SLA: variants seen among roughly 807,000 people sequenced by gnomAD.
The protein encoded by SLA is src-like-adapter.
A neutral mutation model predicts 30.3 loss-of-function variants in SLA; 16 were observed. That is an observed-to-expected ratio of 0.53 (90% CI 0.36 to 0.80). The LOEUF (loss-of-function observed/expected upper bound fraction) is 0.80. Ranked by LOEUF, SLA falls within the 30% of genes least tolerant of loss-of-function variation. The pLI is 0.01. For missense variants in SLA, 310 were observed against 345.2 expected (o/e 0.90, Z 0.81); for synonymous variants, 143 against 137.8 (o/e 1.04, Z -0.26).
At chr8:133,045,265 C>A in intron 6 of SLA, 150 bp from the exon 7 acceptor site, 3 of 723,388 alleles carry the variant, frequency 4.1e-6, no homozygotes, top group Non-Finnish European at 7.0e-6. Context: ...CTCCACTAGA[C>A]CCTTCTCTGT....
chr8:133,071,645 G>C (rs1421502061), intron 2 of SLA, among the ~76,000 whole-genome samples: 1 of 152,044 alleles, frequency 6.6e-6, no homozygotes, highest in Non-Finnish European at 1.5e-5. Context: ...GCGGGGAGAG[G>C]GGAGGAGTGG....
In SLA at chr8:133,075,609, G is replaced by A. The variant is rs1588006313; in HGVS notation, c.-318-479C>T. On this transcript the variant is annotated intron_variant, in intron 1 of 8. Transcript: ENST00000338087. ...TTCTTAGGGGACATGCGGTGACCAA[G>A]AGGATGTCTCGTATCATGACGGCTA... 2.0e-5 allele frequency among the ~76,000 whole-genome samples: 3 copies of A among 152,332 alleles called. No homozygotes were observed. The South Asian group carries it at 6.2e-4, about 32-fold the overall frequency.
At chr8:133,047,804 G>T in intron 6 of SLA, 26 bp downstream of exon 6, 1 of 1,264,418 alleles carries the variant, frequency 7.9e-7, no homozygotes, top group Non-Finnish European at 1.2e-6. Flanking sequence ...CCCCGGATGG[G>T]GAAAGATGAG....
intron 2 of SLA, chr8:133,072,958 C>G (rs1844300199): frequency 6.6e-6 from 1 of 152,154 alleles, no homozygotes; most frequent in East Asian, 1.9e-4. Flanking sequence ...TTATTAATAG[C>G]TTTCTGCCTA....
At chr8:133,094,033 A>T (rs1848014212) in intron 1 of SLA, among the ~76,000 whole-genome samples, 1 of 152,060 alleles carries the variant, frequency 6.6e-6, no homozygotes, top group Non-Finnish European at 1.5e-5. Flanking sequence ...CTGGTTACCC[A>T]TGACTCTTCA....
rs567422883 is a variant in SLA at position 133,074,919 on chromosome 8, G to A, written c.-107C>T. On this transcript the variant is annotated 5_prime_UTR_variant, in exon 2 of 9. Coordinates refer to ENST00000338087, the MANE Select transcript of SLA (RefSeq NM_001045556.3). The stretch of plus-strand genomic sequence containing the variant: ...AGGGATTGCTGGGTGCAGAGTCACT[G>A]CCTCTCCGTCTGTCAACTGCTGCTG... 7.5e-5 allele frequency: 74 copies of A among 985,516 alleles called. No individual in the cohort carries two copies. In the South Asian group the frequency reaches 2.0e-3, roughly 27 times the overall value. 61.0% of individuals were successfully genotyped at this position (985,516 alleles called of 1,614,324 possible). A position where few individuals can be genotyped will look rare whatever the true frequency, so the allele number is the denominator to read the frequency against.
chr8:133,093,918 A>G (rs952947059), intron 1 of SLA, among the ~76,000 whole-genome samples: 4 of 152,160 alleles, frequency 2.6e-5, no homozygotes, highest in Admixed American at 6.5e-5. Context: ...GAACCTCTTG[A>G]GTGAGTTTGT....
chr8:133,088,812 C>T (rs932734496), intron 1 of SLA, among the ~76,000 whole-genome samples: 3 of 152,146 alleles, frequency 2.0e-5, no homozygotes, highest in Non-Finnish European at 4.4e-5. Context: ...ATTACTGTCC[C>T]TGTGATGGAA....
intron 3 of SLA, among the ~76,000 whole-genome samples, 163 bp downstream of exon 3, chr8:133,059,937 A>G (rs771034420): frequency 6.6e-6 from 1 of 152,232 alleles, no homozygotes. Flanking sequence ...TCTTTTAATT[A>G]TGAAGTATTT....
intron 2 of SLA, 172 bp from the exon 3 acceptor site, chr8:133,060,372 T>A: frequency 6.5e-7 from 1 of 1,530,280 alleles, no homozygotes; most frequent in Non-Finnish European, 8.8e-7. Flanking sequence ...TTTGCGCAGC[T>A]CAAGTTCTTT....
At chr8:133,044,149 G>A (rs769602242) in intron 7 of SLA, among the ~76,000 whole-genome samples, 10 of 152,166 alleles carry the variant, frequency 6.6e-5, no homozygotes, top group Non-Finnish European at 1.5e-4. Context: ...GATAGAAACA[G>A]AGCTTCCTGA....
chr8:133,099,549 A>C (rs921500467), intron 1 of SLA, among the ~76,000 whole-genome samples: 1 of 152,136 alleles, frequency 6.6e-6, no homozygotes, highest in African/African-American at 2.4e-5. Flanking sequence ...CCAATGGCCC[A>C]CTTGACATCT....
chr8:133,070,017 AAAAAAAAAAG>A (rs1275605271), intron 2 of SLA, among the ~76,000 whole-genome samples: 4 of 95,754 alleles, frequency 4.2e-5, no homozygotes, highest in African/African-American at 1.0e-4. Context: ...AAAAAAAAAA[AAAAAAAAAAG>A]AAAGAAAGAA....
intron 1 of SLA, among the ~76,000 whole-genome samples, chr8:133,102,192 G>A (rs987647130): frequency 3.3e-5 from 5 of 152,276 alleles, no homozygotes; most frequent in East Asian, 1.9e-4. Flanking sequence ...TACAAAGAAC[G>A]TCCAATCTCT....
intron 2 of SLA, among the ~76,000 whole-genome samples, chr8:133,061,211 T>C (rs1025368599): frequency 2.0e-5 from 3 of 152,192 alleles, no homozygotes; most frequent in Non-Finnish European, 4.4e-5. Context: ...GGTTTCACCA[T>C]GTTGCCAGGC....
rs183681709 is a variant in SLA at position 133,038,432 on chromosome 8, C to T, written c.*92G>A. The stretch of plus-strand genomic sequence containing the variant: ...TGGCTTCTAAAATACGTGAGGCTCC[C>T]AGGGATCAGGGAACCTCGCTTTTCG... On this transcript the variant is annotated 3_prime_UTR_variant, in exon 9 of 9. Transcript: ENST00000338087. The T allele has an allele frequency of 1.0e-4, 99 of 974,518 alleles. No individual in the cohort carries two copies. In the East Asian group the frequency reaches 1.8e-3, roughly 17 times the overall value. 60.4% of individuals were successfully genotyped at this position (974,518 alleles called of 1,614,324 possible).
At position 133,070,009 on chromosome 8, in the gene SLA, AAAAAAAAAAAAAAAAAAG is replaced by A. The variant is rs776334231; in HGVS notation, c.-41+4826_-41+4843del. Among the ~76,000 whole-genome samples, 865 of 125,616 alleles carry A rather than the reference AAAAAAAAAAAAAAAAAAG, an allele frequency of 6.9e-3. 39 individuals are homozygous for A. The highest frequency in any genetic ancestry group is 8.8e-3 in the Admixed American group (104 of 11,754). 82.4% of individuals were successfully genotyped at this position (125,616 alleles called of 152,430 possible). A position where few individuals can be genotyped will look rare whatever the true frequency, so the allele number is the denominator to read the frequency against. On this transcript the variant is annotated intron_variant, in intron 2 of 8. Coordinates refer to ENST00000338087, the MANE Select transcript of SLA (RefSeq NM_001045556.3). ...GAGCAAGGCTCCAGCTCCAAAAAAA[AAAAAAAAAAAAAAAAAAG>A]AAAGAAAGAAAGAAAAGAAAAGAAG... is the stretch of plus-strand genomic sequence containing the variant.
intron 1 of SLA, among the ~76,000 whole-genome samples, chr8:133,097,923 G>A (rs1455865046): frequency 2.6e-5 from 4 of 152,164 alleles, no homozygotes; most frequent in South Asian, 2.1e-4. Flanking sequence ...TGTGAGCAGC[G>A]ATAGAGTTCT....
chr8:133,061,651 C>A (rs1175842513), intron 2 of SLA, among the ~76,000 whole-genome samples: 1 of 152,152 alleles, frequency 6.6e-6, no homozygotes, highest in Non-Finnish European at 1.5e-5. Context: ...GAACAGGGTC[C>A]CCCCATCGGC....
Sources: gnomAD v4.1 joint callset for allele counts (sites outside exome capture counted in the v4.1 genomes callset) on GRCh38, gnomAD v4.1.1 for gene constraint, MANE v1.5 for transcripts, NCBI Gene and HGNC (gene_info 2026-07-23, HGNC 2026-07-21) for gene names.